IGSF11: variants seen among roughly 807,000 people sequenced by gnomAD.
IGSF11 encodes immunoglobulin superfamily member 11.
Under a neutral mutation model 41.0 loss-of-function variants are expected in IGSF11, and 22 were observed. The ratio of observed to expected loss-of-function variants is 0.54; its 90% CI spans 0.38 to 0.77. IGSF11 has a LOEUF of 0.77. IGSF11 is among the 30% of genes least tolerant of loss of function. The probability of loss-of-function intolerance (pLI) is 0.00; values close to 1 mark genes in which losing one functional copy is unlikely to be tolerated. For synonymous variants in IGSF11, 219 were observed against 201.3 expected, an observed-to-expected ratio of 1.09 and a Z score of -0.74; for missense variants, 444 against 530.8, an observed-to-expected ratio of 0.84 and a Z score of 1.61.
chr3:118,969,465 C>T (rs184066650), intron 1 of IGSF11, among the ~76,000 whole-genome samples: 98 of 152,148 alleles, frequency 6.4e-4, no homozygotes, highest in Middle Eastern at 3.4e-3. Flanking sequence ...TGGAAAACAG[C>T]GGGAACAATG....
upstream of IGSF11, among the ~76,000 whole-genome samples, chr3:119,039,805 CAT>C (rs1941048168): frequency 6.6e-6 from 1 of 152,168 alleles, no homozygotes. Context: ...GATCTTTTCT[CAT>C]GTGTCACCTA....
intron 1 of IGSF11, among the ~76,000 whole-genome samples, chr3:118,945,306 T>G (rs1233622458): frequency 6.6e-6 from 1 of 152,172 alleles, no homozygotes; most frequent in Non-Finnish European, 1.5e-5. Flanking sequence ...GTCATACTCT[T>G]ATTTTGACAG....
intron 1 of IGSF11, among the ~76,000 whole-genome samples, chr3:119,000,541 G>A (rs2192366): frequency 6.3e-5 from 8 of 127,698 alleles, no homozygotes; most frequent in African/African-American, 1.6e-4. Context: ...TTTTTTTTTC[G>A]TATGGCATGC....
chr3:118,996,402 C>A (rs1240922148), intron 1 of IGSF11, among the ~76,000 whole-genome samples: 1 of 152,140 alleles, frequency 6.6e-6, no homozygotes, highest in African/African-American at 2.4e-5. Context: ...ACTTCCATCA[C>A]CACTGCTACC....
intron 1 of IGSF11, among the ~76,000 whole-genome samples, chr3:119,032,058 A>C (rs35858): frequency 2.6e-5 from 4 of 152,096 alleles, no homozygotes; most frequent in African/African-American, 9.7e-5. Flanking sequence ...TTCACAAATA[A>C]AAACAAAATA....
intron 1 of IGSF11, among the ~76,000 whole-genome samples, chr3:119,085,072 T>C (rs1050477992): frequency 2.0e-5 from 3 of 152,140 alleles, no homozygotes; most frequent in Admixed American, 2.0e-4. Flanking sequence ...AAAGACCTAA[T>C]AACAACAATA....
At chr3:118,932,710 G>C (rs758742430) in intron 1 of IGSF11, among the ~76,000 whole-genome samples, 1 of 152,204 alleles carries the variant, frequency 6.6e-6, no homozygotes, top group Non-Finnish European at 1.5e-5. Flanking sequence ...ATAGTGATAT[G>C]ATAAATTTAA....
intron 1 of IGSF11, among the ~76,000 whole-genome samples, chr3:119,022,827 G>T (rs771511578): frequency 6.6e-6 from 1 of 152,080 alleles, no homozygotes; most frequent in Non-Finnish European, 1.5e-5. Context: ...TCAGAAAATG[G>T]GCCATACCTA....
chr3:118,976,387 T>C (rs1323830099), intron 1 of IGSF11, among the ~76,000 whole-genome samples: 1 of 152,218 alleles, frequency 6.6e-6, no homozygotes, highest in Non-Finnish European at 1.5e-5. Flanking sequence ...TGCTATTGTC[T>C]GTACTTTCAA....
At chr3:118,906,421 G>C (rs1405220705) in intron 4 of IGSF11, among the ~76,000 whole-genome samples, 1 of 152,146 alleles carries the variant, frequency 6.6e-6, no homozygotes, top group African/African-American at 2.4e-5. Flanking sequence ...CAGGCAGATG[G>C]GGAGTCCCTG....
upstream of IGSF11, among the ~76,000 whole-genome samples, chr3:119,037,243 T>C (rs550978478): frequency 1.3e-5 from 2 of 152,320 alleles, no homozygotes; most frequent in East Asian, 1.9e-4. Context: ...AGAGACAATA[T>C]GTTATATTTG....
At chr3:119,138,366 T>C (rs2077591757) in intron 1 of IGSF11, among the ~76,000 whole-genome samples, 1 of 152,092 alleles carries the variant, frequency 6.6e-6, no homozygotes, top group Non-Finnish European at 1.5e-5. Flanking sequence ...GGTATATATA[T>C]ACAATGGAGT....
At chr3:119,035,397 C>G (rs374277661), upstream of IGSF11, among the ~76,000 whole-genome samples, 4 of 152,330 alleles carry the variant, frequency 2.6e-5, no homozygotes, top group South Asian at 4.1e-4. Flanking sequence ...TTTCACCTTT[C>G]TTCCTTGAAA....
At chr3:119,105,082 C>T (rs202020398) in intron 1 of IGSF11, 366 of 1,056,456 alleles carry the variant, frequency 3.5e-4, no homozygotes, top group Admixed American at 2.4e-3. Context: ...TTCACTCAGC[C>T]AGGCCATAAG....
At chr3:119,044,833 C>A (rs1310068370) in intron 1 of IGSF11, among the ~76,000 whole-genome samples, 1 of 152,162 alleles carries the variant, frequency 6.6e-6, no homozygotes, top group Non-Finnish European at 1.5e-5. Context: ...GAGATAAAGT[C>A]TTTTTCAGAC....
intron 1 of IGSF11, among the ~76,000 whole-genome samples, chr3:119,024,391 G>T (rs918977827): frequency 2.0e-5 from 3 of 152,118 alleles, no homozygotes; most frequent in African/African-American, 4.8e-5. Flanking sequence ...AAAATTTAAT[G>T]ACCTGAAAAC....
chr3:118,916,824 A>G (rs1477147675), intron 4 of IGSF11, among the ~76,000 whole-genome samples: 1 of 151,674 alleles, frequency 6.6e-6, no homozygotes, highest in African/African-American at 2.4e-5. Flanking sequence ...GCACCACACC[A>G]CACCTATTCC....
chr3:119,033,741 T>C (rs1012834404), intron 1 of IGSF11, among the ~76,000 whole-genome samples: 1 of 152,116 alleles, frequency 6.6e-6, no homozygotes, highest in African/African-American at 2.4e-5. Flanking sequence ...GACAGAAAAC[T>C]GGATTCCACA....
intron 1 of IGSF11, among the ~76,000 whole-genome samples, chr3:119,118,479 G>A (rs1219518677): frequency 6.6e-6 from 1 of 152,198 alleles, no homozygotes; most frequent in African/African-American, 2.4e-5. Context: ...TCCCTAGGCT[G>A]CACACAGCAC....
Sources: allele counts gnomAD v4.1 joint callset (sites outside exome capture counted in the v4.1 genomes callset), GRCh38; gene constraint gnomAD v4.1.1; transcripts MANE v1.5; gene names NCBI Gene and HGNC (gene_info 2026-07-23, HGNC 2026-07-21).